The following RNF38 variants were observed in gnomAD, a reference collection of about 807,000 sequenced individuals.
RNF38 encodes E3 ubiquitin-protein ligase RNF38.
Under a neutral mutation model 67.2 loss-of-function variants are expected in RNF38, and 15 were observed. The observed-to-expected ratio is 0.22, with a 90% CI of 0.15 to 0.34. RNF38 has a LOEUF of 0.34. Ranked by LOEUF, RNF38 falls within the 10% of genes least tolerant of loss-of-function variation. The pLI is 1.00. For synonymous variants in RNF38, 220 were observed against 218.8 expected, an observed-to-expected ratio of 1.01 and a Z score of -0.05; for missense variants, 524 against 639.9, an observed-to-expected ratio of 0.82 and a Z score of 1.95.
At chr9:36,395,374 T>C (rs1310039169) in intron 1 of RNF38, among the ~76,000 whole-genome samples, 2 of 152,042 alleles carry the variant, frequency 1.3e-5, no homozygotes, top group Non-Finnish European at 2.9e-5. Context: ...TACAGGTACA[T>C]GACTTCTAAG....
rs757619954 is a variant in RNF38 at position 36,342,335 on chromosome 9, T to C, written c.1475A>G (p.Lys492Arg). The C allele has an allele frequency of 3.1e-6, 5 of 1,608,884 alleles. No individual in the cohort carries two copies. Among genetic ancestry groups the C allele is most frequent in the Non-Finnish European group, 3.4e-6 (4 of 1,175,236 alleles). ...NHEFHAKCVD[K>R]WLKANRTCPI... ...ATGTCATCACTTTACCTTAAGCCAT[T>C]TGTCAACACACTTGGCATGGAACTC... Residue 492 changes from lysine (K) to arginine (R), a missense_variant, in exon 11 of 12, where the codon AAA (lysine) becomes AGA (arginine). This residue lies in a region of RNF38 where 63 missense variants were observed against 122.5 expected (regional missense o/e 0.51). Coordinates refer to ENST00000259605, the MANE Select transcript of RNF38 (RefSeq NM_022781.5).
intron 2 of RNF38, among the ~76,000 whole-genome samples, chr9:36,380,495 C>A (rs1223919724): frequency 6.7e-6 from 1 of 149,742 alleles, no homozygotes; most frequent in African/African-American, 2.4e-5. Context: ...CCACTGCGCC[C>A]GGCCTGTTTT....
intron 1 of RNF38, among the ~76,000 whole-genome samples, chr9:36,484,484 G>A (rs1840353961): frequency 6.6e-6 from 1 of 152,086 alleles, no homozygotes; most frequent in Non-Finnish European, 1.5e-5. Flanking sequence ...AATATTTAGA[G>A]TATACTAAAT....
Position 36,413,599 on chromosome 9 carries a change from A to C in RNF38, n.312+11014T>G, listed in dbSNP as rs142925895. On this transcript the variant is annotated intron_variant and non_coding_transcript_variant, in intron 2 of 3. Coordinates refer to the RNF38 transcript ENST00000488058. The stretch of plus-strand genomic sequence containing the variant: ...GGCAAGAAATAATGAGAAGCATGGG[A>C]TATGTTTCTGTTTGTTTGTGTCACC... 1.6e-3 allele frequency among the ~76,000 whole-genome samples: 245 copies of C among 152,218 alleles called. 1 individual carries two copies. The highest frequency in any genetic ancestry group is 2.7e-3 in the Non-Finnish European group (182 of 68,010).
intron 1 of RNF38, among the ~76,000 whole-genome samples, chr9:36,432,142 G>GTT (rs72305311): frequency 4.0e-4 from 60 of 148,266 alleles, no homozygotes; most frequent in East Asian, 2.8e-3. Flanking sequence ...AGTTTTTTTT[G>GTT]TTTTTTTTTT....
intron 2 of RNF38, among the ~76,000 whole-genome samples, chr9:36,378,822 T>C (rs1835985335): frequency 6.6e-6 from 1 of 152,030 alleles, no homozygotes; most frequent in South Asian, 2.1e-4. Context: ...CTTCTCTTTG[T>C]GCTATGATGG....
At chr9:36,375,543 A>G (rs913076931) in intron 3 of RNF38, among the ~76,000 whole-genome samples, 11 of 152,186 alleles carry the variant, frequency 7.2e-5, no homozygotes, top group African/African-American at 2.4e-4. Flanking sequence ...GCCTTTGAGG[A>G]TACAGAAGGA....
intron 1 of RNF38, among the ~76,000 whole-genome samples, chr9:36,465,396 G>C (rs189392345): frequency 6.6e-6 from 1 of 151,924 alleles, no homozygotes; most frequent in Admixed American, 6.6e-5. Flanking sequence ...GCCCAGGCTG[G>C]AGTGCAATGG....
intron 4 of RNF38, among the ~76,000 whole-genome samples, chr9:36,364,234 C>A (rs951000155): frequency 6.6e-6 from 1 of 152,152 alleles, no homozygotes; most frequent in Non-Finnish European, 1.5e-5. Context: ...ATGAAAACCA[C>A]AGGGATGAAG....
intron 1 of RNF38, among the ~76,000 whole-genome samples, chr9:36,477,832 A>AG (rs1347781745): frequency 2.7e-5 from 4 of 147,456 alleles, no homozygotes; most frequent in Non-Finnish European, 1.5e-5. Context: ...AAAAAAAAAA[A>AG]AAAAGAAAGA....
rs781294770 is a variant in RNF38, at chr9:36,356,262, T to G, written c.909+41A>C. The G allele has an allele frequency of 3.3e-5, 53 of 1,597,836 alleles. No homozygotes were observed. In the East Asian group the frequency reaches 1.2e-3, roughly 35 times the overall value. ...ACATTCTGAAAAAATTAAAAATTAG[T>G]TAAAAACTAAACATTCTGACATAAT... On this transcript the variant is annotated intron_variant, in intron 6 of 11. Coordinates refer to ENST00000259605, the MANE Select transcript of RNF38 (RefSeq NM_022781.5).
chr9:36,359,629 A>G (rs979027059), intron 4 of RNF38, among the ~76,000 whole-genome samples: 4 of 152,162 alleles, frequency 2.6e-5, no homozygotes, highest in Non-Finnish European at 4.4e-5. Context: ...TGGCATTGTC[A>G]CACAGTTATT....
chr9:36,468,072 A>C (rs1353713470), intron 1 of RNF38, among the ~76,000 whole-genome samples: 1 of 152,018 alleles, frequency 6.6e-6, no homozygotes, highest in African/African-American at 2.4e-5. Flanking sequence ...GCAAGATTCC[A>C]CCTCTACAAA....
chr9:36,445,912 G>A (rs1367847503), intron 1 of RNF38, among the ~76,000 whole-genome samples: 1 of 152,220 alleles, frequency 6.6e-6, no homozygotes, highest in East Asian at 1.9e-4. Context: ...TCCCCCTGAT[G>A]TGGAACTTCA....
At chr9:36,400,762 C>G, upstream of RNF38, 1 of 985,678 alleles carries the variant, frequency 1.0e-6, no homozygotes, top group Non-Finnish European at 1.2e-6. Flanking sequence ...CGCCAGGAAA[C>G]GACGGCTGCA....
In RNF38 at chr9:36,363,511, A is replaced by T. The variant is rs1233874381; in HGVS notation, c.571-5569T>A. Among the ~76,000 whole-genome samples, 2 of 100,628 alleles carry T rather than the reference A, an allele frequency of 2.0e-5. 1 individual carries two copies. The highest frequency in any genetic ancestry group is 5.2e-5 in the Non-Finnish European group (2 of 38,686). The allele number at this position is 100,628 out of a possible 152,430, so 66.0% of individuals were successfully genotyped here. On this transcript the variant is annotated intron_variant, in intron 4 of 11. Transcript: ENST00000259605. ...TGTCATGTTTTCATTTGGTCACCCA[A>T]CTGTCCCAGAACCACTTATTAGCAA...
intron 4 of RNF38, among the ~76,000 whole-genome samples, chr9:36,365,963 C>T (rs1448173788): frequency 6.6e-6 from 1 of 152,020 alleles, no homozygotes; most frequent in Non-Finnish European, 1.5e-5. Context: ...CTGTGCCTGG[C>T]CAAGACTGAT....
intron 2 of RNF38, among the ~76,000 whole-genome samples, chr9:36,384,538 G>A (rs912316231): frequency 1.3e-5 from 2 of 152,292 alleles, no homozygotes; most frequent in East Asian, 1.9e-4. Context: ...GAAGCCAGGC[G>A]AAGGAGGTTT....
chr9:36,460,457 C>T (rs1839700831), intron 1 of RNF38, among the ~76,000 whole-genome samples: 1 of 152,088 alleles, frequency 6.6e-6, no homozygotes, highest in Admixed American at 6.6e-5. Flanking sequence ...TGCCCCGACC[C>T]CATCACCAAG....
Sources: allele counts gnomAD v4.1 joint callset (sites outside exome capture counted in the v4.1 genomes callset), GRCh38; gene constraint gnomAD v4.1.1; regional missense constraint gnomAD v4.1.1; transcripts MANE v1.5; gene names NCBI Gene and HGNC (gene_info 2026-07-23, HGNC 2026-07-21).